Variants in ACTL6A observed in about 807,000 individuals in gnomAD.
ACTL6A encodes the protein actin like 6A, also known as actin-like protein 6A.
Under a neutral mutation model 59.2 loss-of-function variants are expected in ACTL6A, and 5 were observed. That is an observed-to-expected ratio of 0.08 (90% CI 0.04 to 0.18). ACTL6A has a LOEUF of 0.18. Ranked by LOEUF, ACTL6A falls within the 10% of genes least tolerant of loss-of-function variation. The pLI is 1.00. For synonymous variants in ACTL6A, 154 were observed against 171.8 expected (o/e 0.90, Z 0.81); for missense variants, 285 against 526.9 (o/e 0.54, Z 4.49).
At chr3:179,566,421 A>T (rs1050312322) in intron 1 of ACTL6A, among the ~76,000 whole-genome samples, 1 of 152,212 alleles carries the variant, frequency 6.6e-6, no homozygotes, top group Non-Finnish European at 1.5e-5. Flanking sequence ...TTTTATAAAC[A>T]TTTAAAAACA....
chr3:179,564,059 C>T (rs1275971784), intron 1 of ACTL6A, among the ~76,000 whole-genome samples: 1 of 152,174 alleles, frequency 6.6e-6, no homozygotes, highest in African/African-American at 2.4e-5. Context: ...GGCCCATGGA[C>T]CAGCAGTGTC....
intron 1 of ACTL6A, among the ~76,000 whole-genome samples, chr3:179,566,475 A>G (rs1300851948): frequency 6.6e-6 from 1 of 152,222 alleles, no homozygotes; most frequent in East Asian, 1.9e-4. Flanking sequence ...ATTAGTTTGT[A>G]GGGCTGCCAT....
chr3:179,587,802 C>CT, intron 13 of ACTL6A, 128 bp from the exon 14 acceptor site: 1 of 663,392 alleles, frequency 1.5e-6, no homozygotes, highest in Admixed American at 3.4e-5. Flanking sequence ...AGGTTGTAAG[C>CT]TACAATCACG....
intron 8 of ACTL6A, 73 bp downstream of exon 8, chr3:179,576,986 G>A: frequency 8.2e-7 from 1 of 1,215,294 alleles, no homozygotes; most frequent in Non-Finnish European, 1.2e-6. Flanking sequence ...GTTATATATA[G>A]GCTGTAAATC....
chr3:179,578,040 C>T (rs1476369856), intron 8 of ACTL6A, among the ~76,000 whole-genome samples: 2 of 152,144 alleles, frequency 1.3e-5, no homozygotes, highest in Non-Finnish European at 2.9e-5. Context: ...TAGTTCTGGG[C>T]CAGGCATGGT....
chr3:179,579,356 C>T (rs1339973671), intron 8 of ACTL6A, among the ~76,000 whole-genome samples: 2 of 151,662 alleles, frequency 1.3e-5, no homozygotes. Flanking sequence ...AATGTGTATC[C>T]AGCAAAAGAA....
intron 12 of ACTL6A, chr3:179,583,669 A>G (rs1718400202): frequency 2.6e-6 from 1 of 383,348 alleles, no homozygotes; most frequent in Non-Finnish European, 4.8e-6. Context: ...TTAAATATGT[A>G]TAGTCTGCTA....
At chr3:179,586,485 A>ATAATTTTCTAAGTTG in intron 12 of ACTL6A, 61 bp from the exon 13 acceptor site, 1 of 1,250,210 alleles carries the variant, frequency 8.0e-7, no homozygotes, top group Non-Finnish European at 1.1e-6. Flanking sequence ...AAAAAAAAAA[A>ATAATTTTCTAAGTTG]AGAATTTTCT....
At chr3:179,569,726 G>A in intron 1 of ACTL6A, 98 bp from the exon 2 acceptor site, 1 of 1,001,248 alleles carries the variant, frequency 1.0e-6, no homozygotes, top group Non-Finnish European at 1.6e-6. Context: ...TGAGGCGGGA[G>A]GATTGCTTGA....
At chr3:179,571,573 C>T (rs1014137093) in intron 3 of ACTL6A, among the ~76,000 whole-genome samples, 6 of 152,092 alleles carry the variant, frequency 3.9e-5, no homozygotes, top group African/African-American at 1.4e-4. Context: ...AGATACAAAA[C>T]AAAATCGACA....
chr3:179,574,583 C>G, intron 5 of ACTL6A, 116 bp downstream of exon 5: 1 of 752,106 alleles, frequency 1.3e-6, no homozygotes, highest in African/African-American at 1.7e-5. Flanking sequence ...GTTTTTTTCC[C>G]TTTTCTCTTG....
intron 5 of ACTL6A, chr3:179,575,505 G>GT (rs1718141169): frequency 4.4e-6 from 2 of 453,046 alleles, no homozygotes. Context: ...TTAGTGCCAG[G>GT]TGAGCAGCCT....
At chr3:179,584,115 A>G (rs967863411) in intron 12 of ACTL6A, among the ~76,000 whole-genome samples, 3 of 152,192 alleles carry the variant, frequency 2.0e-5, no homozygotes, top group African/African-American at 4.8e-5. Flanking sequence ...TGAGGCTAGA[A>G]GCCTCAAGGT....
At chr3:179,579,614 C>A (rs1042324691) in intron 8 of ACTL6A, among the ~76,000 whole-genome samples, 1 of 151,966 alleles carries the variant, frequency 6.6e-6, no homozygotes, top group Non-Finnish European at 1.5e-5. Flanking sequence ...ATGGTGAGAC[C>A]CCATCTCTAC....
intron 3 of ACTL6A, chr3:179,573,159 G>C: frequency 2.5e-6 from 1 of 399,970 alleles, no homozygotes; most frequent in Non-Finnish European, 4.4e-6. Flanking sequence ...GGACAGGTCT[G>C]GGGGCTGGAG....
In ACTL6A at chr3:179,576,686, T is replaced by G; in HGVS notation, c.638T>G (p.Met213Arg). The G allele has an allele frequency of 6.2e-7, 1 of 1,613,882 alleles. No homozygotes were observed. Among genetic ancestry groups the G allele is most frequent in the Non-Finnish European group, 8.5e-7 (1 of 1,179,792 alleles). The change falls in exon 7 of 14, where the codon ATG becomes AGG. Residue 213 changes from methionine to arginine, a missense_variant. Transcript: ENST00000429709. ...CAGTGCAGAGAACTCTTCCAAGAAA[T>G]GAATATTGAATTGGTTCCTCCATAT... Reference protein sequence around the residue: ...TMQCRELFQEMNIELVPPYMI... With the variant: ...TMQCRELFQERNIELVPPYMI...
At chr3:179,581,785 CATT>C (rs1426703588) in intron 11 of ACTL6A, among the ~76,000 whole-genome samples, 1 of 152,190 alleles carries the variant, frequency 6.6e-6, no homozygotes, top group East Asian at 1.9e-4. Flanking sequence ...ATACTTCACT[CATT>C]ATCAGTGATA....
At chr3:179,583,882 T>C (rs1718406188) in intron 12 of ACTL6A, 1 of 152,692 alleles carries the variant, frequency 6.5e-6, no homozygotes, top group South Asian at 2.1e-4. Flanking sequence ...GTTCAACTCA[T>C]TGCTAATTTA....
intron 3 of ACTL6A, among the ~76,000 whole-genome samples, chr3:179,571,433 A>C (rs199970971): frequency 1.1e-3 from 38 of 33,518 alleles, no homozygotes; most frequent in Middle Eastern, 0.025. Context: ...AAAAAAAAAC[A>C]AAAAAAAAAA....
Sources: gnomAD v4.1 joint callset for allele counts (sites outside exome capture counted in the v4.1 genomes callset) on GRCh38, gnomAD v4.1.1 for gene constraint, MANE v1.5 for transcripts, NCBI Gene and HGNC (gene_info 2026-07-23, HGNC 2026-07-21) for gene names.